The following PSME3 variants were observed in gnomAD, a reference collection of about 807,000 sequenced individuals.
PSME3 encodes proteasome activator subunit 3.
Under a neutral mutation model 38.3 loss-of-function variants are expected in PSME3, and 7 were observed. The ratio of observed to expected loss-of-function variants is 0.18; its 90% CI spans 0.10 to 0.34. The LOEUF (loss-of-function observed/expected upper bound fraction) is 0.34. PSME3 is among the 10% of genes least tolerant of loss of function. PSME3 has a pLI of 1.00. For synonymous variants in PSME3, 108 were observed against 105.7 expected (o/e 1.02, Z -0.13); for missense variants, 192 against 307.6 (o/e 0.62, Z 2.81).
At position 42,839,385 on chromosome 17, in the gene PSME3, G is replaced by GAAGA; in HGVS notation, c.684+5_684+6insAAGA. The GAAGA allele has an allele frequency of 6.3e-7, 1 of 1,589,272 alleles. No individual in the cohort carries two copies. Among genetic ancestry groups the GAAGA allele is most frequent in the Non-Finnish European group, 8.6e-7 (1 of 1,158,572 alleles). On this transcript the variant is annotated splice_donor_region_variant and intron_variant, in intron 10 of 10. Coordinates refer to ENST00000590720, the MANE Select transcript of PSME3 (RefSeq NM_005789.4). ...TCAGAGCTGAGGAATCAATATGTGA[G>GAAGA]TAATCTCAGTCCTTGTCCATAGTTG...
At chr17:42,837,021 C>G (rs2055472143) in intron 4 of PSME3, among the ~76,000 whole-genome samples, 1 of 151,696 alleles carries the variant, frequency 6.6e-6, no homozygotes, top group South Asian at 2.1e-4. Flanking sequence ...GATGGGATTA[C>G]AGGTGCCTGC....
intron 1 of PSME3, 104 bp downstream of exon 1, chr17:42,833,777 T>C: frequency 3.7e-6 from 6 of 1,607,464 alleles, no homozygotes; most frequent in Non-Finnish European, 5.1e-6. Flanking sequence ...GGATACCAGC[T>C]CTGAGCTTCC....
rs1467182855 is a variant in PSME3 at position 42,841,837 on chromosome 17, G to A, written c.*259G>A. ...AATTTCTGGAGAACTCCAGGTTTGT[G>A]TGTGCAGGATGTTGGCACAAAAATA... On this transcript the variant is annotated 3_prime_UTR_variant, in exon 11 of 11. Coordinates refer to ENST00000590720, the MANE Select transcript of PSME3 (RefSeq NM_005789.4). 1 of 341,946 alleles carries A rather than the reference G, an allele frequency of 2.9e-6. No homozygotes were observed. The allele number at this position is 341,946 out of a possible 1,614,324, so 21.2% of individuals were successfully genotyped here.
In PSME3 at chr17:42,841,623, C is replaced by A; in HGVS notation, c.*45C>A. The A allele has an allele frequency of 7.3e-7, 1 of 1,360,966 alleles. No homozygotes were observed. The highest frequency in any genetic ancestry group is 1.0e-6 in the Non-Finnish European group (1 of 983,680). The allele number at this position is 1,360,966 out of a possible 1,614,324, so 84.3% of individuals were successfully genotyped here. On this transcript the variant is annotated 3_prime_UTR_variant, in exon 11 of 11. Coordinates refer to ENST00000590720, the MANE Select transcript of PSME3 (RefSeq NM_005789.4). ...GGACTCTGTGAGTCTGGCTCAAGACCGACATTGCCTTGGTTTGTTACATGA... is the reference window on the plus strand; with the variant it reads ...GGACTCTGTGAGTCTGGCTCAAGACAGACATTGCCTTGGTTTGTTACATGA...
chr17:42,841,096 G>T (rs2055526850), intron 10 of PSME3, among the ~76,000 whole-genome samples: 1 of 145,416 alleles, frequency 6.9e-6, no homozygotes, highest in South Asian at 2.1e-4. Context: ...TCGCGCCATT[G>T]CACTCCAGCC....
At position 42,842,489 on chromosome 17, in the gene PSME3, C is replaced by G. The variant is rs577786111; in HGVS notation, c.*911C>G. The stretch of plus-strand genomic sequence containing the variant: ...GACTCAGCCCTTTTTGGCATTATTG[C>G]AAGAGCTTGACTCCTGGTTGCCTTT... On this transcript the variant is annotated 3_prime_UTR_variant, in exon 11 of 11. Coordinates refer to ENST00000590720, the MANE Select transcript of PSME3 (RefSeq NM_005789.4). 6.5e-6 allele frequency: 1 copy of G among 152,830 alleles called. No individual in the cohort carries two copies. Among genetic ancestry groups the G allele is most frequent in the Non-Finnish European group, 1.5e-5 (1 of 68,048 alleles). The allele number at this position is 152,830 out of a possible 1,614,324, so 9.5% of individuals were successfully genotyped here.
chr17:42,833,844 T>C (rs1256902028), intron 1 of PSME3, 171 bp downstream of exon 1: 13 of 1,523,382 alleles, frequency 8.5e-6, no homozygotes, highest in Middle Eastern at 1.7e-4. Flanking sequence ...GAGGAAAATA[T>C]AGGATGGCTT....
At position 42,843,226 on chromosome 17, in the gene PSME3, T is replaced by G. The variant is rs942304567; in HGVS notation, c.*1648T>G. On this transcript the variant is annotated 3_prime_UTR_variant, in exon 11 of 11. Transcript: ENST00000590720. ...AAGAAATTATTAAAAATACAGGTAC[T>G]TTGACCTCTTTCTAAAGCCGCAGAC... is the stretch of plus-strand genomic sequence containing the variant. 3.3e-5 allele frequency: 5 copies of G among 152,760 alleles called. No homozygotes were observed. The highest frequency in any genetic ancestry group is 7.3e-5 in the Non-Finnish European group (5 of 68,050). 9.5% of individuals were successfully genotyped at this position (152,760 alleles called of 1,614,324 possible).
chr17:42,838,832 G>A, intron 7 of PSME3, 33 bp downstream of exon 7: 1 of 1,570,952 alleles, frequency 6.4e-7, no homozygotes, highest in Non-Finnish European at 8.8e-7. Context: ...TGGGAAGAGT[G>A]GCTTGGGAGA....
At position 42,833,399 on chromosome 17, in the gene PSME3, AG is replaced by A. The variant is rs1211139113; in HGVS notation, c.-232del. 3.3e-6 allele frequency: 2 copies of A among 597,718 alleles called. No homozygotes were observed. Among genetic ancestry groups the A allele is most frequent in the Admixed American group, 5.9e-5 (2 of 33,670 alleles). 37.0% of individuals were successfully genotyped at this position (597,718 alleles called of 1,614,324 possible). ...GAGTCTCGGCGATTGGCTGTGACGC[AG>A]TTTCCGGCGTGAGCGGCGAAAGCCG... On this transcript the variant is annotated 5_prime_UTR_variant, in exon 1 of 11. Transcript: ENST00000590720.
At position 42,834,351 on chromosome 17, in the gene PSME3, C is replaced by A; in HGVS notation, c.50C>A (p.Ser17Tyr). 3 of 1,613,884 alleles carry A rather than the reference C, an allele frequency of 1.9e-6. No homozygotes were observed. Among genetic ancestry groups the A allele is most frequent in the South Asian group, 1.1e-5 (1 of 91,074 alleles). The change falls in exon 2 of 11, where the codon TCT becomes TAT. Residue 17 changes from serine to tyrosine, a missense_variant. By Grantham distance (144) the Ser-to-Tyr change is moderately radical (BLOSUM62 -2). Around this residue, in one of 2 missense-constraint regions of PSME3, gnomAD observed 110 missense variants for 139.3 expected, o/e 0.79. Transcript: ENST00000590720. ...TCTCTTTGTTAATTTTAGGTTGATT[C>A]TTTCAGGGAGCGGATCACAAGTGAG... ...VDQEVKLKVDSFRERITSEAE... is the reference protein window; with the variant it reads ...VDQEVKLKVDYFRERITSEAE...
At chr17:42,836,191 G>T (rs2055461546) in intron 4 of PSME3, among the ~76,000 whole-genome samples, 1 of 151,916 alleles carries the variant, frequency 6.6e-6, no homozygotes, top group Admixed American at 6.6e-5. Context: ...TTTTAGTGGA[G>T]ACAGGGTTTC....
At chr17:42,834,726 T>G in intron 3 of PSME3, 46 bp from the exon 4 acceptor site, 1 of 1,610,724 alleles carries the variant, frequency 6.2e-7, no homozygotes, top group Non-Finnish European at 8.5e-7. Context: ...AAATACTTCT[T>G]TGTTCAGCTT....
intron 7 of PSME3, 37 bp from the exon 8 acceptor site, chr17:42,838,908 A>G (rs1208321169): frequency 5.6e-6 from 9 of 1,612,090 alleles, no homozygotes; most frequent in Non-Finnish European, 7.6e-6. Flanking sequence ...ATGACATGGA[A>G]GTGGCTTTTG....
At chr17:42,834,749 G>A (rs776847367) in intron 3 of PSME3, 23 bp from the exon 4 acceptor site, 1 of 1,613,532 alleles carries the variant, frequency 6.2e-7, no homozygotes, top group Non-Finnish European at 8.5e-7. Flanking sequence ...AAAGATTAAT[G>A]TTTTGGGGTG....
At chr17:42,840,114 TAA>T (rs565087528) in intron 10 of PSME3, among the ~76,000 whole-genome samples, 33 of 128,848 alleles carry the variant, frequency 2.6e-4, no homozygotes, top group Non-Finnish European at 2.8e-4. Context: ...CCATCTTTAC[TAA>T]AAAAAAAAAA....
Position 42,841,506 on chromosome 17 carries a change from A to G in PSME3, c.693A>G (p.Leu231=), listed in dbSNP as rs1388901872. 1.2e-6 allele frequency: 2 copies of G among 1,603,410 alleles called. No homozygotes were observed. Among genetic ancestry groups the G allele is most frequent in the Non-Finnish European group, 1.7e-6 (2 of 1,171,356 alleles). ...ISELRNQYVT[L]HDMILKNIEK... is the part of the protein sequence containing the mutation. The stretch of plus-strand genomic sequence containing the variant: ...GATCCCTCTTCTCTCAGGTCACTCT[A>G]CATGACATGATCCTGAAAAATATCG... Residue 231 remains leucine (L), a synonymous_variant, in exon 11 of 11, where the codon CTA becomes CTG. Transcript: ENST00000590720.
intron 1 of PSME3, chr17:42,833,894 T>G: frequency 6.9e-7 from 1 of 1,455,854 alleles, no homozygotes; most frequent in Non-Finnish European, 9.0e-7. Flanking sequence ...CGGGGACACC[T>G]CCGCGGACAC....
intron 5 of PSME3, 194 bp from the exon 6 acceptor site, chr17:42,837,899 T>C: frequency 1.2e-6 from 1 of 862,022 alleles, no homozygotes; most frequent in Non-Finnish European, 1.8e-6. Context: ...TTAAGACTTT[T>C]GTTATGTTTT....
Sources: allele counts gnomAD v4.1 joint callset (sites outside exome capture counted in the v4.1 genomes callset), GRCh38; gene constraint gnomAD v4.1.1; regional missense constraint gnomAD v4.1.1; transcripts MANE v1.5; gene names NCBI Gene and HGNC (gene_info 2026-07-23, HGNC 2026-07-21).